Variants in ZBTB1 observed in about 807,000 individuals in gnomAD.
ZBTB1 encodes the protein zinc finger and BTB domain-containing protein 1.
Under a neutral mutation model 51.6 loss-of-function variants are expected in ZBTB1, and 13 were observed. The ratio of observed to expected loss-of-function variants is 0.25; its 90% CI spans 0.16 to 0.40. ZBTB1 has a LOEUF of 0.40. Among genes scored for constraint, ZBTB1 ranks in the 10% least tolerant of loss-of-function variants. The probability of loss-of-function intolerance (pLI) is 1.00; values close to 1 mark genes in which losing one functional copy is unlikely to be tolerated. For missense variants in ZBTB1, 567 were observed against 856.5 expected (o/e 0.66, Z 4.22); for synonymous variants, 240 against 282.2 (o/e 0.85, Z 1.50).
At chr14:64,511,068 G>A (rs1471181974) in intron 1 of ZBTB1, among the ~76,000 whole-genome samples, 4 of 152,198 alleles carry the variant, frequency 2.6e-5, no homozygotes, top group African/African-American at 7.2e-5. Context: ...AGTGGTGGCA[G>A]CTGAGACAAA....
At chr14:64,517,782 T>TATATATATATATATA (rs1491377695) in intron 1 of ZBTB1, among the ~76,000 whole-genome samples, 6 of 34,814 alleles carry the variant, frequency 1.7e-4, no homozygotes, top group East Asian at 1.9e-3. Context: ...TATATATATA[T>TATATATATATATATA]TTTTTTTTTT....
chr14:64,514,346 C>T (rs61615397), intron 1 of ZBTB1: 26,385 of 152,138 alleles, frequency 0.17, 2,618 homozygotes, highest in Non-Finnish European at 0.22. Flanking sequence ...TGAGGCTAAG[C>T]GAATCATCTT....
At chr14:64,528,666 C>T (rs771491650), downstream of ZBTB1, among the ~76,000 whole-genome samples, 5 of 152,152 alleles carry the variant, frequency 3.3e-5, no homozygotes, top group African/African-American at 7.2e-5. Context: ...ATTTGGAAAC[C>T]CATGATCCAT....
intron 1 of ZBTB1, among the ~76,000 whole-genome samples, chr14:64,512,636 G>T (rs576486260): frequency 1.2e-4 from 19 of 152,168 alleles, no homozygotes; most frequent in Non-Finnish European, 2.4e-4. Context: ...AGTTATAATT[G>T]CAGAACTTCC....
chr14:64,526,929 C>T (rs2079907965), downstream of ZBTB1, among the ~76,000 whole-genome samples: 1 of 151,860 alleles, frequency 6.6e-6, no homozygotes, highest in African/African-American at 2.4e-5. Flanking sequence ...GCTGTAGTCC[C>T]CAGCTACTCA....
chr14:64,531,121 C>T (rs944974671), intron 2 of ZBTB1, among the ~76,000 whole-genome samples: 3 of 152,142 alleles, frequency 2.0e-5, no homozygotes, highest in African/African-American at 4.8e-5. Flanking sequence ...TGTTTTTATT[C>T]TCCTTAAACT....
At chr14:64,529,339 T>C (rs1365644308), downstream of ZBTB1, among the ~76,000 whole-genome samples, 2 of 152,174 alleles carry the variant, frequency 1.3e-5, no homozygotes, top group Non-Finnish European at 2.9e-5. Flanking sequence ...CTCCCGCCAA[T>C]CTCCATTTCC....
At position 64,522,876 on chromosome 14, in the gene ZBTB1, G is replaced by T; in HGVS notation, c.1372G>T (p.Val458Leu). The change falls in exon 2 of 2, where the codon GTA (valine) becomes TTA (leucine). Residue 458 changes from valine (V) to leucine (L), a missense_variant. Coordinates refer to ENST00000683701, the MANE Select transcript of ZBTB1 (RefSeq NM_001123329.2). ...ATGTGGTAAATGTGGACAAATACTT[G>T]TAAAGGGTAGGCAGCTTCAGGAACA... is the stretch of plus-strand genomic sequence containing the variant. ...CACGKCGQIL[V>L]KGRQLQEHAQ... 1.2e-6 allele frequency: 2 copies of T among 1,614,176 alleles called. No homozygotes were observed. The highest frequency in any genetic ancestry group is 1.7e-6 in the Non-Finnish European group (2 of 1,180,030).
In ZBTB1 at chr14:64,522,955, C is replaced by G; in HGVS notation, c.1451C>G (p.Thr484Ser). ...QDLTMNGLGNTEEKMDLEENP... is the reference protein window; with the variant it reads ...QDLTMNGLGNSEEKMDLEENP... ...CTGACCATGAATGGGTTAGGAAATA[C>G]TGAGGAGAAAATGGACTTGGAAGAG... Residue 484 changes from threonine (T) to serine (S), a missense_variant, in exon 2 of 2, where the codon ACT becomes AGT. Around this residue, in one of 5 missense-constraint regions of ZBTB1, gnomAD observed 329 missense variants for 406.3 expected, o/e 0.81. Transcript: ENST00000683701. 6.2e-7 allele frequency: 1 copy of G among 1,614,136 alleles called. No homozygotes were observed. Among genetic ancestry groups the G allele is most frequent in the Non-Finnish European group, 8.5e-7 (1 of 1,180,026 alleles).
At chr14:64,505,169 G>A in intron 1 of ZBTB1, 1 of 334,548 alleles carries the variant, frequency 3.0e-6, no homozygotes, top group Non-Finnish European at 5.4e-6. Flanking sequence ...TGAGTCGGAG[G>A]CGAAGCCCCT....
Position 64,524,315 on chromosome 14 carries a change from T to C in ZBTB1, c.*669T>C, listed in dbSNP as rs943206229. ...ATTTAATTATCACATTTAAAACTTA[T>C]ATTAAGTGTAAATTCCAGTGGCTTT... is the stretch of plus-strand genomic sequence containing the variant. On this transcript the variant is annotated 3_prime_UTR_variant, in exon 2 of 2. Coordinates refer to ENST00000683701, the MANE Select transcript of ZBTB1 (RefSeq NM_001123329.2). 21 of 942,208 alleles carry C rather than the reference T, an allele frequency of 2.2e-5. No individual in the cohort carries two copies. The South Asian group carries it at 2.5e-4, about 11-fold the overall frequency. The allele number at this position is 942,208 out of a possible 1,614,324, so 58.4% of individuals were successfully genotyped here.
At chr14:64,509,767 T>C (rs901492214) in intron 1 of ZBTB1, among the ~76,000 whole-genome samples, 2 of 151,436 alleles carry the variant, frequency 1.3e-5, no homozygotes, top group African/African-American at 4.9e-5. Flanking sequence ...GTCAGGAGAT[T>C]GAGACCATCC....
Position 64,522,741 on chromosome 14 carries a change from C to T in ZBTB1, c.1237C>T (p.Pro413Ser). The change falls in exon 2 of 2, where the codon CCA becomes TCA. Residue 413 changes from proline (P) to serine (S), a missense_variant. By Grantham distance (74) the Pro-to-Ser change is moderately conservative (BLOSUM62 -1). Transcript: ENST00000683701. ...TATGAGGCCCCCTAACAACAGCAGT[C>T]CAGTACAAGAGGATGCTGAAAATGC... ...ENMRPPNNSS[P>S]VQEDAENASC... The T allele has an allele frequency of 6.2e-7, 1 of 1,614,150 alleles. No homozygotes were observed. The highest frequency in any genetic ancestry group is 1.1e-5 in the South Asian group (1 of 91,068).
chr14:64,509,406 G>A (rs1048615418), intron 1 of ZBTB1, among the ~76,000 whole-genome samples: 10 of 152,072 alleles, frequency 6.6e-5, no homozygotes, highest in African/African-American at 2.4e-4. Context: ...CCCAAACAGA[G>A]TGAGCTAGAC....
chr14:64,517,774 TA>T (rs1423093766), intron 1 of ZBTB1, among the ~76,000 whole-genome samples: 2,339 of 80,664 alleles, frequency 0.029, 82 homozygotes, highest in African/African-American at 0.095. Flanking sequence ...TATATATATA[TA>T]TATATATTTT....
rs1160763703 is a variant in ZBTB1, at chr14:64,521,714, T to C, written c.210T>C (p.Ile70=). 2 of 1,613,906 alleles carry C rather than the reference T, an allele frequency of 1.2e-6. No homozygotes were observed. The highest frequency in any genetic ancestry group is 2.7e-5 in the African/African-American group (2 of 74,942). The stretch of plus-strand genomic sequence containing the variant: ...AACTGAATCTCAGCAACATGAAAAT[T>C]AGTGCAGAATGTTTTGATCTCATTT... ...TAQLNLSNMK[I]SAECFDLILQ... The change falls in exon 2 of 2, where the codon ATT becomes ATC. Residue 70 remains isoleucine, a synonymous_variant. Transcript: ENST00000683701.
At position 64,523,980 on chromosome 14, in the gene ZBTB1, G is replaced by A; in HGVS notation, c.*334G>A. The A allele has an allele frequency of 1.0e-6, 1 of 994,984 alleles. No homozygotes were observed. Among genetic ancestry groups the A allele is most frequent in the Non-Finnish European group, 1.2e-6 (1 of 826,618 alleles). 61.6% of individuals were successfully genotyped at this position (994,984 alleles called of 1,614,324 possible). ...AAGGTGATGACTTCACTATTTCTAT[G>A]TGTTTTTTTTTTTTTAAGGTTATCC... is the stretch of plus-strand genomic sequence containing the variant. On this transcript the variant is annotated 3_prime_UTR_variant, in exon 2 of 2. Coordinates refer to ENST00000683701, the MANE Select transcript of ZBTB1 (RefSeq NM_001123329.2). The surrounding 1 kb of genome is among the most constrained non-coding windows in gnomAD (Gnocchi z 4.5).
intron 1 of ZBTB1, among the ~76,000 whole-genome samples, chr14:64,507,894 C>T (rs2079683553): frequency 6.6e-6 from 1 of 151,988 alleles, no homozygotes; most frequent in African/African-American, 2.4e-5. Flanking sequence ...CCATGAAGAC[C>T]ACTGCCAATA....
intron 1 of ZBTB1, among the ~76,000 whole-genome samples, chr14:64,520,484 TTTTTGTTTTG>T (rs761488172): frequency 6.6e-6 from 1 of 152,066 alleles, no homozygotes; most frequent in Non-Finnish European, 1.5e-5. Flanking sequence ...GGCTAATGTT[TTTTTGTTTTG>T]TTTTGTTTTG....
Sources: gnomAD v4.1 joint callset for allele counts (sites outside exome capture counted in the v4.1 genomes callset) on GRCh38, gnomAD v4.1.1 for gene constraint, gnomAD v4.1.1 regional missense constraint, Gnocchi (gnomAD v3.1) non-coding constraint, MANE v1.5 for transcripts, NCBI Gene and HGNC (gene_info 2026-07-23, HGNC 2026-07-21) for gene names.